The following TOM1 variants were observed in gnomAD, a reference collection of about 807,000 sequenced individuals.
TOM1 encodes target of myb1 membrane trafficking protein.
In TOM1, 38 loss-of-function variants were observed where a neutral mutation model predicts 61.3. The ratio of observed to expected loss-of-function variants is 0.62; its 90% confidence interval spans 0.48 to 0.81. The LOEUF (loss-of-function observed/expected upper bound fraction) is 0.81. Ranked by LOEUF, TOM1 falls within the 40% of genes least tolerant of loss-of-function variation. The probability of loss-of-function intolerance (pLI) is 0.00; values close to 1 mark genes in which losing one functional copy is unlikely to be tolerated. For missense variants in TOM1, 591 were observed against 659.6 expected (o/e 0.90, Z 1.14); for synonymous variants, 270 against 268.8 (o/e 1.00, Z -0.04).
rs1370533553 is a variant in TOM1 at position 35,333,228 on chromosome 22, G to A, written c.934-176G>A. ...CCCCAGGGTCTCCCCAACCTCCCAGGGAGTCCAGTTGAGCTGGAGCCAGAG... is the reference window on the plus strand; with the variant it reads ...CCCCAGGGTCTCCCCAACCTCCCAGAGAGTCCAGTTGAGCTGGAGCCAGAG... On this transcript the variant is annotated intron_variant, in intron 9 of 14. Coordinates refer to ENST00000449058, the MANE Select transcript of TOM1 (RefSeq NM_005488.3). The A allele has an allele frequency of 7.7e-6, 6 of 779,532 alleles. No homozygotes were observed. The East Asian group carries it at 1.1e-4, about 14-fold the overall frequency. 48.3% of individuals were successfully genotyped at this position (779,532 alleles called of 1,614,324 possible).
In TOM1 at chr22:35,321,919, G is replaced by A. The variant is rs773534236; in HGVS notation, c.138-40G>A. 4.5e-6 allele frequency: 7 copies of A among 1,554,708 alleles called. No homozygotes were observed. The South Asian group carries it at 5.6e-5, about 12-fold the overall frequency. Reference sequence around the variant, plus strand: ...AGGGTCTCTGGTGTTAGGTAAGGGGGCTCTATTCCTAAGCCCACCCTTTTT... The same window carrying A: ...AGGGTCTCTGGTGTTAGGTAAGGGGACTCTATTCCTAAGCCCACCCTTTTT... On this transcript the variant is annotated intron_variant, in intron 2 of 14. Coordinates refer to ENST00000449058, the MANE Select transcript of TOM1 (RefSeq NM_005488.3).
intron 2 of TOM1, among the ~76,000 whole-genome samples, chr22:35,319,130 G>A (rs962186047): frequency 3.3e-5 from 5 of 152,314 alleles, no homozygotes; most frequent in African/African-American, 1.2e-4. Flanking sequence ...GAGGTCAGAA[G>A]AAAGAAAGCA....
At chr22:35,311,964 G>T (rs1926862853) in intron 1 of TOM1, among the ~76,000 whole-genome samples, 1 of 152,146 alleles carries the variant, frequency 6.6e-6, no homozygotes, top group Non-Finnish European at 1.5e-5. Flanking sequence ...TAGAAGATGA[G>T]GGGAGTTCGG....
chr22:35,343,518 T>C (rs201293385), intron 12 of TOM1, among the ~76,000 whole-genome samples: 1,948 of 79,642 alleles, frequency 0.024, 72 homozygotes, highest in East Asian at 0.24. Context: ...CTCATACACC[T>C]ACACACACCA....
chr22:35,339,903 C>CA (rs35896033), intron 12 of TOM1, among the ~76,000 whole-genome samples: 77 of 138,486 alleles, frequency 5.6e-4, no homozygotes, highest in African/African-American at 1.6e-3. Flanking sequence ...GACTCCGTCT[C>CA]AAAAAAAAAA....
chr22:35,326,752 GAC>G (rs565693682), intron 6 of TOM1, among the ~76,000 whole-genome samples: 3 of 151,086 alleles, frequency 2.0e-5, no homozygotes, highest in East Asian at 3.9e-4. Context: ...GGAGGAGAGA[GAC>G]GGCGGGATCC....
At chr22:35,320,664 A>C (rs1485065636) in intron 2 of TOM1, among the ~76,000 whole-genome samples, 1 of 149,826 alleles carries the variant, frequency 6.7e-6, no homozygotes, top group African/African-American at 2.5e-5. Flanking sequence ...TTTTCTGACC[A>C]CCCCCATCCT....
In TOM1 at chr22:35,346,964, GC is replaced by G; in HGVS notation, c.1320del (p.Ser440ArgfsTer113). ...GCGGAAGAGCCTAAGGGGGTCACCA[GC>G]GAAGGTAGTAGTCCCCGCCCCTGCC... is the stretch of plus-strand genomic sequence containing the variant. ...NDAEEPKGVT[S>X]EEFDKFLEER... On this transcript the variant is annotated frameshift_variant, in exon 14 of 15. Transcript: ENST00000449058. LOFTEE classifies it high-confidence loss of function. 1.9e-6 allele frequency: 3 copies of G among 1,612,910 alleles called. No individual in the cohort carries two copies. The highest frequency in any genetic ancestry group is 2.5e-6 in the Non-Finnish European group (3 of 1,179,560).
chr22:35,309,212 TG>T (rs1202820867), intron 1 of TOM1, among the ~76,000 whole-genome samples: 1 of 152,196 alleles, frequency 6.6e-6, no homozygotes, highest in Admixed American at 6.5e-5. Context: ...ATCTTTATTC[TG>T]TAGAGGAGGA....
At chr22:35,317,236 C>A (rs1927373257) in intron 1 of TOM1, among the ~76,000 whole-genome samples, 1 of 152,182 alleles carries the variant, frequency 6.6e-6, no homozygotes, top group South Asian at 2.1e-4. Context: ...CTCTCGTTGT[C>A]CAGGCTGGAG....
intron 1 of TOM1, among the ~76,000 whole-genome samples, chr22:35,317,653 A>G (rs1927409610): frequency 6.6e-6 from 1 of 152,118 alleles, no homozygotes; most frequent in Non-Finnish European, 1.5e-5. Context: ...CATCCATTGA[A>G]GAGCAGAGGT....
At chr22:35,299,531 G>A (rs1055793493), upstream of TOM1, 9 of 216,262 alleles carry the variant, frequency 4.2e-5, no homozygotes, top group Admixed American at 1.2e-4. Flanking sequence ...CAAGGACTAA[G>A]GGCTATGACC....
Position 35,347,476 on chromosome 22 carries a change from G to A in TOM1, c.*267G>A, listed in dbSNP as rs1004129130. 8.0e-6 allele frequency: 3 copies of A among 374,884 alleles called. No individual in the cohort carries two copies. The highest frequency in any genetic ancestry group is 4.1e-5 in the African/African-American group (2 of 48,340). The allele number at this position is 374,884 out of a possible 1,614,324, so 23.2% of individuals were successfully genotyped here. A position where few individuals can be genotyped will look rare whatever the true frequency, so the allele number is the denominator to read the frequency against. On this transcript the variant is annotated 3_prime_UTR_variant, in exon 15 of 15. Transcript: ENST00000449058. ...GACCATGAGACTTTGCTGAGAAGTG[G>A]AGGCCCCAGGACAGGCTGGCTGGCT... is the stretch of plus-strand genomic sequence containing the variant.
intron 2 of TOM1, among the ~76,000 whole-genome samples, chr22:35,319,493 C>T (rs1425793450): frequency 1.3e-5 from 2 of 152,172 alleles, no homozygotes; most frequent in African/African-American, 4.8e-5. Flanking sequence ...CATCATGGGC[C>T]CACAGCAGTG....
At chr22:35,307,971 C>T (rs901502668) in intron 1 of TOM1, among the ~76,000 whole-genome samples, 2 of 152,162 alleles carry the variant, frequency 1.3e-5, no homozygotes, top group South Asian at 2.1e-4. Context: ...TCACCAGACC[C>T]GCGTAAAGCG....
chr22:35,324,035 A>T, intron 6 of TOM1, 121 bp downstream of exon 6: 1 of 1,246,764 alleles, frequency 8.0e-7, no homozygotes, highest in Middle Eastern at 2.0e-4. Flanking sequence ...AGCAGCCCAC[A>T]GGGTATGTGT....
At position 35,331,337 on chromosome 22, in the gene TOM1, C is replaced by T. The variant is rs1490356572; in HGVS notation, c.899+857C>T. 2.4e-5 allele frequency: 11 copies of T among 453,624 alleles called. No homozygotes were observed. In the Admixed American group the frequency reaches 2.6e-4, roughly 11 times the overall value. 28.1% of individuals were successfully genotyped at this position (453,624 alleles called of 1,614,324 possible). ...GTGTTGCCCAGGCTAGTCTCAAACT[C>T]TTGGCCTCAAGCAGTCCTCCCTCCT... On this transcript the variant is annotated intron_variant, in intron 8 of 14. Transcript: ENST00000449058.
chr22:35,328,706 C>G (rs1755308985), intron 7 of TOM1, among the ~76,000 whole-genome samples: 1 of 152,210 alleles, frequency 6.6e-6, no homozygotes, highest in African/African-American at 2.4e-5. Context: ...TCCCGGAGGC[C>G]TGACCTTGGA....
chr22:35,328,395 C>T (rs959815701), intron 7 of TOM1, among the ~76,000 whole-genome samples: 2 of 152,208 alleles, frequency 1.3e-5, no homozygotes, highest in Non-Finnish European at 2.9e-5. Context: ...TCCCGTGTCC[C>T]GGGCTATATG....
Sources: gnomAD v4.1 joint callset for allele counts (sites outside exome capture counted in the v4.1 genomes callset) on GRCh38, gnomAD v4.1.1 for gene constraint, MANE v1.5 for transcripts, NCBI Gene and HGNC (gene_info 2026-07-23, HGNC 2026-07-21) for gene names.